Variants in GPR39 observed in about 807,000 individuals in gnomAD.
The protein encoded by GPR39 is zinc sensing receptor.
A neutral mutation model predicts 18.4 loss-of-function variants in GPR39; 23 were observed. The observed-to-expected ratio is 1.25, with a 90% confidence interval of 0.90 to 1.77. The LOEUF (loss-of-function observed/expected upper bound fraction) is 1.77. Among genes scored for constraint, GPR39 ranks in the 40% most tolerant of loss-of-function variants. The pLI, the probability that GPR39 is intolerant of heterozygous loss-of-function variation, is 0.00. For missense variants in GPR39, 647 were observed against 602.4 expected (o/e 1.07, Z -0.78); for synonymous variants, 280 against 257.9 (o/e 1.09, Z -0.82).
At chr2:132,635,321 T>C (rs1280242806) in intron 1 of GPR39, among the ~76,000 whole-genome samples, 2 of 152,218 alleles carry the variant, frequency 1.3e-5, no homozygotes, top group Admixed American at 6.5e-5. Context: ...ACAGTGAAGA[T>C]GGAGCATGTT....
At chr2:132,489,755 A>G (rs1681421099) in intron 1 of GPR39, among the ~76,000 whole-genome samples, 1 of 151,986 alleles carries the variant, frequency 6.6e-6, no homozygotes, top group South Asian at 2.1e-4. Context: ...GCCCTAAAAA[A>G]TGCCATATTA....
chr2:132,646,083 G>A lies in GPR39; in HGVS notation c.*477G>A. ...GAGAAGAGGGCTAATTTGAGGAACAGGATGGTGGTGCGGAGCCCTGGCCTG... is the reference window on the plus strand; with the variant it reads ...GAGAAGAGGGCTAATTTGAGGAACAAGATGGTGGTGCGGAGCCCTGGCCTG... On this transcript the variant is annotated 3_prime_UTR_variant, in exon 2 of 2. Coordinates refer to ENST00000329321, the MANE Select transcript of GPR39 (RefSeq NM_001508.3). The A allele has an allele frequency of 1.2e-6, 2 of 1,603,464 alleles. No homozygotes were observed. The highest frequency in any genetic ancestry group is 1.7e-6 in the Non-Finnish European group (2 of 1,174,070).
In GPR39 at chr2:132,646,386, G is replaced by T; in HGVS notation, c.*780G>T. Reference sequence around the variant, plus strand: ...ACAGCTCTTCCTTACTCCTCCCACAGCCCAGAGACTAGGTGAGGTCAGGGA... The same window carrying T: ...ACAGCTCTTCCTTACTCCTCCCACATCCCAGAGACTAGGTGAGGTCAGGGA... On this transcript the variant is annotated 3_prime_UTR_variant, in exon 2 of 2. Coordinates refer to ENST00000329321, the MANE Select transcript of GPR39 (RefSeq NM_001508.3). 3.1e-6 allele frequency: 2 copies of T among 655,148 alleles called. No individual in the cohort carries two copies. The highest frequency in any genetic ancestry group is 3.4e-5 in the East Asian group (1 of 29,790). The allele number at this position is 655,148 out of a possible 1,614,324, so 40.6% of individuals were successfully genotyped here.
At chr2:132,548,965 C>G (rs1030855426) in intron 1 of GPR39, among the ~76,000 whole-genome samples, 3 of 152,208 alleles carry the variant, frequency 2.0e-5, no homozygotes, top group Admixed American at 2.0e-4. Context: ...CTGTGATTCA[C>G]TGTCACAGAT....
At chr2:132,474,731 G>C (rs1346923641) in intron 1 of GPR39, among the ~76,000 whole-genome samples, 1 of 152,186 alleles carries the variant, frequency 6.6e-6, no homozygotes, top group South Asian at 2.1e-4. Flanking sequence ...ACGATGTTAA[G>C]GGCTGCTTCC....
intron 1 of GPR39, among the ~76,000 whole-genome samples, chr2:132,448,355 G>C (rs1273236265): frequency 1.3e-5 from 2 of 152,208 alleles, no homozygotes; most frequent in Non-Finnish European, 2.9e-5. Context: ...TTGATGGCTA[G>C]AAAACAAAAC....
At chr2:132,484,577 C>G (rs1681296375) in intron 1 of GPR39, among the ~76,000 whole-genome samples, 1 of 152,124 alleles carries the variant, frequency 6.6e-6, no homozygotes, top group African/African-American at 2.4e-5. Flanking sequence ...ATCGGAGACT[C>G]CCACTATCCC....
intron 1 of GPR39, among the ~76,000 whole-genome samples, chr2:132,456,234 C>T (rs1680725296): frequency 6.6e-6 from 1 of 151,620 alleles, no homozygotes; most frequent in Non-Finnish European, 1.5e-5. Context: ...TATGTAATGG[C>T]CTTCTTTGTC....
chr2:132,445,160 C>G (rs894565955), intron 1 of GPR39, among the ~76,000 whole-genome samples: 1 of 108,030 alleles, frequency 9.3e-6, no homozygotes, highest in African/African-American at 2.8e-5. Context: ...TTAACTTACT[C>G]GTACATGTAA....
At chr2:132,543,952 A>G (rs1489808540) in intron 1 of GPR39, among the ~76,000 whole-genome samples, 1 of 152,194 alleles carries the variant, frequency 6.6e-6, no homozygotes, top group Non-Finnish European at 1.5e-5. Flanking sequence ...ATTATAAACC[A>G]ATTACACAGA....
At chr2:132,548,964 A>ACTGTC (rs1336089332) in intron 1 of GPR39, among the ~76,000 whole-genome samples, 1 of 152,204 alleles carries the variant, frequency 6.6e-6, no homozygotes, top group Non-Finnish European at 1.5e-5. Flanking sequence ...CCTGTGATTC[A>ACTGTC]CTGTCACAGA....
chr2:132,424,187 G>A (rs1558794683), intron 1 of GPR39, among the ~76,000 whole-genome samples: 1 of 152,188 alleles, frequency 6.6e-6, no homozygotes, highest in Non-Finnish European at 1.5e-5. Context: ...TGACTAGGGT[G>A]GTGAATGGTC....
chr2:132,605,674 CG>C (rs1232374888), intron 1 of GPR39, among the ~76,000 whole-genome samples: 4 of 152,060 alleles, frequency 2.6e-5, no homozygotes, highest in Admixed American at 6.6e-5. Flanking sequence ...TGGGTGAGGA[CG>C]GATGCTATTT....
intron 1 of GPR39, among the ~76,000 whole-genome samples, chr2:132,518,043 T>G (rs1409975204): frequency 6.6e-6 from 1 of 152,220 alleles, no homozygotes; most frequent in Non-Finnish European, 1.5e-5. Flanking sequence ...ATTCTTCACT[T>G]TAATAACAAT....
chr2:132,573,001 G>T (rs1680467106), intron 1 of GPR39, among the ~76,000 whole-genome samples: 1 of 152,304 alleles, frequency 6.6e-6, no homozygotes, highest in East Asian at 1.9e-4. Context: ...TGCTGACCAG[G>T]CACACATGGG....
At chr2:132,563,766 GT>G (rs1319665611) in intron 1 of GPR39, among the ~76,000 whole-genome samples, 2 of 152,186 alleles carry the variant, frequency 1.3e-5, no homozygotes, top group Non-Finnish European at 2.9e-5. Context: ...TTGTTTTGCT[GT>G]TTTTTGGCAC....
intron 1 of GPR39, among the ~76,000 whole-genome samples, chr2:132,429,472 C>T (rs1463496484): frequency 1.3e-5 from 2 of 152,216 alleles, no homozygotes; most frequent in East Asian, 3.9e-4. Flanking sequence ...AGATAGTGGT[C>T]AGAAGCTTGC....
intron 1 of GPR39, among the ~76,000 whole-genome samples, chr2:132,593,100 T>A (rs1680875054): frequency 6.6e-6 from 1 of 152,186 alleles, no homozygotes. Context: ...TGGGGTAAAA[T>A]CTGAGAGTTT....
chr2:132,646,257 C>CACAGGACTTGCGGTACATGATCCCT lies in GPR39; in HGVS notation c.*652_*676dup. ...GCGATGAGACAGGCCGCTGATGATG[C>CACAGGACTTGCGGTACATGATCCCT]ACAGGACTTGCGGTACATGATCCCT... On this transcript the variant is annotated 3_prime_UTR_variant, in exon 2 of 2. Coordinates refer to ENST00000329321, the MANE Select transcript of GPR39 (RefSeq NM_001508.3). 6.4e-7 allele frequency: 1 copy of CACAGGACTTGCGGTACATGATCCCT among 1,565,472 alleles called. No individual in the cohort carries two copies. Among genetic ancestry groups the CACAGGACTTGCGGTACATGATCCCT allele is most frequent in the Non-Finnish European group, 8.7e-7 (1 of 1,152,820 alleles).
Sources: allele counts gnomAD v4.1 joint callset (sites outside exome capture counted in the v4.1 genomes callset), GRCh38; gene constraint gnomAD v4.1.1; transcripts MANE v1.5; gene names NCBI Gene and HGNC (gene_info 2026-07-23, HGNC 2026-07-21).